RXYLT1: variants seen among roughly 807,000 people sequenced by gnomAD.
RXYLT1 encodes ribitol-5-phosphate xylosyltransferase 1.
In RXYLT1, 41 loss-of-function variants were observed where a neutral mutation model predicts 43.5. That is an observed-to-expected ratio of 0.94 (90% CI 0.73 to 1.22). The LOEUF (loss-of-function observed/expected upper bound fraction) is 1.22. RXYLT1 is among the 50% of genes most tolerant of loss of function. The probability of loss-of-function intolerance (pLI) is 0.00; values close to 1 mark genes in which losing one functional copy is unlikely to be tolerated. For synonymous variants in RXYLT1, 166 were observed against 194.4 expected (o/e 0.85, Z 1.21); for missense variants, 514 against 532.0 (o/e 0.97, Z 0.33).
In RXYLT1 at chr12:63,780,015, T is replaced by C. The variant is rs1193546140; in HGVS notation, c.55T>C (p.Phe19Leu). Residue 19 changes from phenylalanine (F) to leucine (L), a missense_variant, in exon 1 of 6, where the codon TTC (phenylalanine) becomes CTC (leucine). Transcript: ENST00000261234. Reference protein sequence around the residue: ...CSFLIALYCLFSLYAAYHVFF... With the variant: ...CSFLIALYCLLSLYAAYHVFF... ...GTTTCTTATCGCCCTGTACTGCCTA[T>C]TCTCCCTCTACGCTGCCTACCACGT... is the stretch of plus-strand genomic sequence containing the variant. The C allele has an allele frequency of 1.2e-6, 2 of 1,610,504 alleles. No individual in the cohort carries two copies. Among genetic ancestry groups the C allele is most frequent in the South Asian group, 2.2e-5 (2 of 91,044 alleles).
rs200123669 is a variant in RXYLT1 at position 63,780,044 on chromosome 12, C to T, written c.84C>T (p.Phe28=). The change falls in exon 1 of 6, where the codon TTC becomes TTT. Residue 28 remains phenylalanine (F), a synonymous_variant. Coordinates refer to ENST00000261234, the MANE Select transcript of RXYLT1 (RefSeq NM_014254.3). ...LFSLYAAYHV[F]FGRRRQAPAG... ...CCCTCTACGCTGCCTACCACGTCTT[C>T]TTCGGGCGCCGCCGCCAGGCGCCGG... 121 of 1,607,322 alleles carry T rather than the reference C, an allele frequency of 7.5e-5. No individual in the cohort carries two copies. Among genetic ancestry groups the T allele is most frequent in the African/African-American group, 4.2e-4 (31 of 74,344 alleles).
At chr12:63,780,166 C>G in intron 1 of RXYLT1, 37 bp downstream of exon 1, 1 of 1,425,800 alleles carries the variant, frequency 7.0e-7, no homozygotes, top group Non-Finnish European at 9.1e-7. Context: ...CGGCTCTGCG[C>G]TCCTGGCTGG....
At chr12:63,794,794 T>C (rs1041556715) in intron 3 of RXYLT1, among the ~76,000 whole-genome samples, 7 of 150,920 alleles carry the variant, frequency 4.6e-5, no homozygotes, top group Non-Finnish European at 1.0e-4. Context: ...GATTTTTCAT[T>C]TAAAAAAAAA....
chr12:63,780,500 C>T (rs929028777), intron 1 of RXYLT1: 3 of 1,086,310 alleles, frequency 2.8e-6, no homozygotes, highest in Admixed American at 1.1e-4. Context: ...ACAAAGCCCT[C>T]TCTAATCCTG....
intron 3 of RXYLT1, among the ~76,000 whole-genome samples, chr12:63,797,027 G>A (rs11611482): frequency 0.046 from 6,698 of 145,450 alleles, 287 homozygotes; most frequent in Non-Finnish European, 0.059. Context: ...GCAGTGGCAC[G>A]ATCTTGGCTC....
chr12:63,791,968 G>C (rs558656570), intron 3 of RXYLT1, among the ~76,000 whole-genome samples: 9 of 152,314 alleles, frequency 5.9e-5, no homozygotes, highest in African/African-American at 2.2e-4. Context: ...GTGCTCACAA[G>C]CATCCATGAG....
intron 4 of RXYLT1, 123 bp downstream of exon 4, chr12:63,802,528 T>TTG: frequency 1.2e-6 from 1 of 839,284 alleles, no homozygotes. Flanking sequence ...GGTACAGTCT[T>TTG]TCTCAGAGAT....
At chr12:63,798,856 T>G (rs2136229721) in intron 3 of RXYLT1, among the ~76,000 whole-genome samples, 1 of 152,350 alleles carries the variant, frequency 6.6e-6, no homozygotes, top group Middle Eastern at 3.4e-3. Flanking sequence ...TTGTGATTAG[T>G]TAAGAATGAA....
chr12:63,805,309 A>G lies in RXYLT1; in HGVS notation c.819A>G (p.Leu273=), dbSNP rs1898263020. The change falls in exon 5 of 6, where the codon TTA becomes TTG. Residue 273 remains leucine, a synonymous_variant. Coordinates refer to ENST00000261234, the MANE Select transcript of RXYLT1 (RefSeq NM_014254.3). ...HDERPYLCNF[L]GTIYENSSRQ... is the part of the protein sequence containing the mutation. ...AGAGGCCATATTTATGTAATTTCTT[A>G]GGAACGATTTATGAAAATTCATCCA... The G allele has an allele frequency of 6.2e-7, 1 of 1,613,518 alleles. No homozygotes were observed. The highest frequency in any genetic ancestry group is 1.1e-5 in the South Asian group (1 of 90,932).
chr12:63,802,503 G>A, intron 4 of RXYLT1, 98 bp downstream of exon 4: 1 of 1,123,952 alleles, frequency 8.9e-7, no homozygotes, highest in Non-Finnish European at 1.2e-6. Flanking sequence ...AGTTCTTCTG[G>A]GATTATTGAG....
rs1303817555 is a variant in RXYLT1 at position 63,785,055 on chromosome 12, A to AG, written c.413dup (p.Arg139LysfsTer20). On this transcript the variant is annotated frameshift_variant, in exon 3 of 6. Transcript: ENST00000261234. LOFTEE classifies it high-confidence loss of function. ...AATGGAGAGAAGGAAAGTCAATCGT[A>AG]GGAAGAACACAGTACAGGTATTGGT... The AG allele has an allele frequency of 6.2e-7, 1 of 1,613,728 alleles. No individual in the cohort carries two copies. The highest frequency in any genetic ancestry group is 1.3e-5 in the African/African-American group (1 of 75,070).
intron 3 of RXYLT1, among the ~76,000 whole-genome samples, chr12:63,786,544 T>TA (rs1414291259): frequency 2.6e-5 from 4 of 152,040 alleles, no homozygotes; most frequent in African/African-American, 9.6e-5. Context: ...AAGTGAAAAA[T>TA]ACTTTATTGC....
intron 3 of RXYLT1, among the ~76,000 whole-genome samples, chr12:63,796,458 A>G (rs983673868): frequency 2.0e-5 from 3 of 152,170 alleles, no homozygotes; most frequent in African/African-American, 7.2e-5. Context: ...TTTCAATATG[A>G]TTACAAGGTC....
chr12:63,781,228 A>AT, intron 2 of RXYLT1, 54 bp downstream of exon 2: 1 of 1,355,324 alleles, frequency 7.4e-7, no homozygotes, highest in South Asian at 2.0e-5. Flanking sequence ...AATGTATTTT[A>AT]TTGATATGAA....
chr12:63,792,353 CTCTT>C (rs1897935253), intron 3 of RXYLT1, among the ~76,000 whole-genome samples: 2 of 152,290 alleles, frequency 1.3e-5, no homozygotes, highest in African/African-American at 2.4e-5. Flanking sequence ...GCTGCTGAAA[CTCTT>C]TCTCTCTCAT....
In RXYLT1 at chr12:63,808,715, C is replaced by G. The variant is rs1235518372; in HGVS notation, c.955C>G (p.Gln319Glu). The change falls in exon 6 of 6, where the codon CAA becomes GAA. Residue 319 changes from glutamine to glutamate, a missense_variant. Coordinates refer to ENST00000261234, the MANE Select transcript of RXYLT1 (RefSeq NM_014254.3). ...QETNESLKNY[Q>E]DALLQSDLTL... Reference sequence around the variant, plus strand: ...AACAAATGAAAGTCTTAAGAATTACCAAGATGCCTTGCTTCAGAGTGATCT... The same window carrying G: ...AACAAATGAAAGTCTTAAGAATTACGAAGATGCCTTGCTTCAGAGTGATCT... 4 of 1,604,384 alleles carry G rather than the reference C, an allele frequency of 2.5e-6. No individual in the cohort carries two copies. The South Asian group carries it at 3.4e-5, about 14-fold the overall frequency.
chr12:63,780,844 A>G (rs1402367224), intron 1 of RXYLT1, among the ~76,000 whole-genome samples, 175 bp from the exon 2 acceptor site: 2 of 152,252 alleles, frequency 1.3e-5, no homozygotes, highest in African/African-American at 4.8e-5. Flanking sequence ...CAGTAAAAAA[A>G]TTGCTGATTT....
intron 4 of RXYLT1, 76 bp from the exon 5 acceptor site, chr12:63,805,158 A>T (rs1340189519): frequency 5.2e-6 from 6 of 1,146,226 alleles, no homozygotes; most frequent in African/African-American, 1.6e-5. Context: ...ACTTCTTGCT[A>T]CCTAAGAGAT....
intron 4 of RXYLT1, among the ~76,000 whole-genome samples, chr12:63,802,691 A>G (rs1182465897): frequency 6.6e-6 from 1 of 152,166 alleles, no homozygotes; most frequent in Non-Finnish European, 1.5e-5. Context: ...ATAAAAATAT[A>G]TTTAGCAGAG....
Sources: gnomAD v4.1 joint callset for allele counts (sites outside exome capture counted in the v4.1 genomes callset) on GRCh38, gnomAD v4.1.1 for gene constraint, MANE v1.5 for transcripts, NCBI Gene and HGNC (gene_info 2026-07-23, HGNC 2026-07-21) for gene names.